RASGEF1A: variants seen among roughly 807,000 people sequenced by gnomAD.
The protein encoded by RASGEF1A is ras-GEF domain-containing family member 1A.
Under a neutral mutation model 56.4 loss-of-function variants are expected in RASGEF1A, and 18 were observed. The observed-to-expected ratio is 0.32, with a 90% confidence interval of 0.22 to 0.47. The LOEUF (loss-of-function observed/expected upper bound fraction) is 0.47, where lower values mean the gene tolerates loss of function less well. RASGEF1A is among the 20% of genes least tolerant of loss of function. The pLI is 1.00. For missense variants in RASGEF1A, 422 were observed against 627.1 expected (o/e 0.67, Z 3.49); for synonymous variants, 245 against 242.6 (o/e 1.01, Z -0.09).
At chr10:43,254,742 C>T (rs1369663898) in intron 1 of RASGEF1A, among the ~76,000 whole-genome samples, 5 of 152,142 alleles carry the variant, frequency 3.3e-5, no homozygotes, top group Admixed American at 6.5e-5. Context: ...AGAGGTAAAA[C>T]GGGTCTCTGT....
chr10:43,221,485 G>A (rs977147082), intron 1 of RASGEF1A, among the ~76,000 whole-genome samples: 8 of 152,314 alleles, frequency 5.3e-5, no homozygotes, highest in Middle Eastern at 6.8e-3. Context: ...CGCCAGTCTG[G>A]GAAACTGGTG....
intron 7 of RASGEF1A, 80 bp from the exon 8 acceptor site, chr10:43,199,274 G>A (rs1474822764): frequency 7.3e-6 from 8 of 1,096,778 alleles, no homozygotes; most frequent in South Asian, 2.7e-5. Flanking sequence ...GGAACAGAGG[G>A]GCAGGGAGGA....
chr10:43,203,472 G>A, intron 2 of RASGEF1A, 52 bp from the exon 3 acceptor site: 1 of 1,470,098 alleles, frequency 6.8e-7, no homozygotes, highest in South Asian at 1.4e-5. Context: ...CAGGCCCCCG[G>A]GGGCTCACCG....
intron 1 of RASGEF1A, among the ~76,000 whole-genome samples, chr10:43,263,340 T>C (rs573981200): frequency 6.6e-6 from 1 of 152,036 alleles, no homozygotes; most frequent in East Asian, 1.9e-4. Flanking sequence ...TTGGCGTGGG[T>C]GGGAGTGAGT....
chr10:43,219,553 A>C (rs990859385), intron 1 of RASGEF1A, among the ~76,000 whole-genome samples: 5 of 152,202 alleles, frequency 3.3e-5, no homozygotes, highest in African/African-American at 1.2e-4. Flanking sequence ...AGGCACCAGC[A>C]ATCTGTCCTG....
chr10:43,199,232 G>A (rs1839852777), intron 7 of RASGEF1A, 38 bp from the exon 8 acceptor site: 2 of 1,511,980 alleles, frequency 1.3e-6, no homozygotes, highest in East Asian at 4.7e-5. Flanking sequence ...GGCGCTGCCG[G>A]GGGACAGCAG....
At chr10:43,260,540 C>A (rs532445565) in intron 1 of RASGEF1A, among the ~76,000 whole-genome samples, 2 of 152,330 alleles carry the variant, frequency 1.3e-5, no homozygotes, top group Admixed American at 6.5e-5. Context: ...CTGGTCCCCA[C>A]GGGCAGGGCC....
At chr10:43,226,987 C>T (rs556771627) in intron 1 of RASGEF1A, among the ~76,000 whole-genome samples, 2 of 152,298 alleles carry the variant, frequency 1.3e-5, no homozygotes, top group African/African-American at 4.8e-5. Context: ...GTCGTGGAGG[C>T]ACGGAGGTGG....
intron 1 of RASGEF1A, chr10:43,207,377 A>C: frequency 1.0e-6 from 1 of 977,452 alleles, no homozygotes; most frequent in Non-Finnish European, 1.2e-6. Context: ...CCACCTGCCC[A>C]CACCCCCCAC....
chr10:43,221,198 ACT>A (rs946539429), intron 1 of RASGEF1A, among the ~76,000 whole-genome samples: 3 of 152,012 alleles, frequency 2.0e-5, no homozygotes, highest in African/African-American at 4.8e-5. Flanking sequence ...ATCCCCCGAC[ACT>A]GTGGTTCGCT....
At chr10:43,202,744 C>A (rs988937419) in intron 3 of RASGEF1A, 1 of 467,172 alleles carries the variant, frequency 2.1e-6, no homozygotes. Flanking sequence ...CAGCCTAGGC[C>A]CCCCACCACC....
At chr10:43,233,144 T>C (rs374511338) in intron 1 of RASGEF1A, among the ~76,000 whole-genome samples, 2 of 152,136 alleles carry the variant, frequency 1.3e-5, no homozygotes, top group African/African-American at 2.4e-5. Flanking sequence ...TTCCTTAAGG[T>C]TACTGGGTCC....
At chr10:43,214,245 C>T (rs1439350114) in intron 1 of RASGEF1A, among the ~76,000 whole-genome samples, 1 of 152,186 alleles carries the variant, frequency 6.6e-6, no homozygotes, top group African/African-American at 2.4e-5. Context: ...GTGTCGTCTT[C>T]CCGTGCACCC....
intron 1 of RASGEF1A, among the ~76,000 whole-genome samples, chr10:43,255,516 A>G (rs1432482097): frequency 6.6e-6 from 1 of 152,192 alleles, no homozygotes; most frequent in Non-Finnish European, 1.5e-5. Context: ...CTTGTCTCAC[A>G]GCCCTGCCCA....
intron 1 of RASGEF1A, among the ~76,000 whole-genome samples, chr10:43,256,753 C>T (rs1331213040): frequency 1.3e-5 from 2 of 152,194 alleles, no homozygotes; most frequent in Non-Finnish European, 2.9e-5. Flanking sequence ...GCCATCTGCA[C>T]ACAGACACAG....
intron 1 of RASGEF1A, among the ~76,000 whole-genome samples, chr10:43,242,687 C>G (rs1038301572): frequency 1.3e-5 from 2 of 152,214 alleles, no homozygotes; most frequent in African/African-American, 4.8e-5. Context: ...CACGCGCCGC[C>G]ACTCTTGACT....
intron 1 of RASGEF1A, among the ~76,000 whole-genome samples, chr10:43,240,080 C>T (rs1840483133): frequency 6.6e-6 from 1 of 152,178 alleles, no homozygotes; most frequent in Non-Finnish European, 1.5e-5. Flanking sequence ...GACTTTGAGT[C>T]TCTGTGCAAG....
chr10:43,196,657 C>A lies in RASGEF1A; in HGVS notation c.1349-109G>T. On this transcript the variant is annotated intron_variant, in intron 11 of 12. Coordinates refer to ENST00000395810, the MANE Select transcript of RASGEF1A (RefSeq NM_145313.4). The surrounding 1 kb of genome is among the most constrained non-coding windows in gnomAD (Gnocchi z 4.6). Reference sequence around the variant, plus strand: ...AGCACAAGGGGACAGTGACCTCTGGCTGGGCTGAACACAGTTCTCTGCTGT... The same window carrying A: ...AGCACAAGGGGACAGTGACCTCTGGATGGGCTGAACACAGTTCTCTGCTGT... 9.5e-7 allele frequency: 1 copy of A among 1,050,050 alleles called. No individual in the cohort carries two copies. The highest frequency in any genetic ancestry group is 1.5e-6 in the Non-Finnish European group (1 of 685,278). 65.0% of individuals were successfully genotyped at this position (1,050,050 alleles called of 1,614,324 possible).
chr10:43,232,489 T>C (rs546693763), intron 1 of RASGEF1A, among the ~76,000 whole-genome samples: 2 of 150,086 alleles, frequency 1.3e-5, no homozygotes, highest in East Asian at 3.9e-4. Flanking sequence ...CTCCGGCTTT[T>C]TTTTTTTTTT....
Sources: allele counts gnomAD v4.1 joint callset (sites outside exome capture counted in the v4.1 genomes callset), GRCh38; gene constraint gnomAD v4.1.1; non-coding constraint Gnocchi (gnomAD v3.1); transcripts MANE v1.5; gene names NCBI Gene and HGNC (gene_info 2026-07-23, HGNC 2026-07-21).